The following JAKMIP2 variants were observed in gnomAD, a reference collection of about 807,000 sequenced individuals.
JAKMIP2 encodes the protein janus kinase and microtubule interacting protein 2.
JAKMIP2 carries 25 observed loss-of-function variants against 115.0 expected under a neutral mutation model. The ratio of observed to expected loss-of-function variants is 0.22; its 90% CI spans 0.16 to 0.30. The LOEUF (loss-of-function observed/expected upper bound fraction) is 0.30. Among genes scored for constraint, JAKMIP2 ranks in the 10% least tolerant of loss-of-function variants. JAKMIP2 has a pLI of 1.00. For missense variants in JAKMIP2, 642 were observed against 957.6 expected (o/e 0.67, Z 4.35); for synonymous variants, 334 against 343.6 (o/e 0.97, Z 0.31).
intron 16 of JAKMIP2, among the ~76,000 whole-genome samples, chr5:147,627,190 G>A (rs551160786): frequency 6.6e-6 from 1 of 152,264 alleles, no homozygotes; most frequent in African/African-American, 2.4e-5. Context: ...ACAGTGTAAT[G>A]CAATTGTCAA....
intron 18 of JAKMIP2, 44 bp from the exon 19 acceptor site, chr5:147,618,158 TGA>T (rs752066571): frequency 1.2e-5 from 13 of 1,117,648 alleles, no homozygotes; most frequent in Middle Eastern, 2.3e-4. Context: ...AACTTGGCAT[TGA>T]TATCTGGTGT....
intron 13 of JAKMIP2, 152 bp downstream of exon 13, chr5:147,632,528 A>G (rs1757412694): frequency 1.7e-6 from 1 of 573,494 alleles, no homozygotes; most frequent in Non-Finnish European, 3.0e-6. Context: ...AGTTAATCTC[A>G]GTTGCCTCCA....
At chr5:147,607,839 C>T (rs1305732875) in intron 20 of JAKMIP2, among the ~76,000 whole-genome samples, 3 of 152,172 alleles carry the variant, frequency 2.0e-5, no homozygotes, top group Non-Finnish European at 2.9e-5. Context: ...TTAATTACTG[C>T]CTCTATTTCA....
At chr5:147,701,199 A>C (rs1401753320) in intron 1 of JAKMIP2, among the ~76,000 whole-genome samples, 1 of 152,194 alleles carries the variant, frequency 6.6e-6, no homozygotes, top group Non-Finnish European at 1.5e-5. Context: ...GATTAGACTC[A>C]AGAAGGATGG....
chr5:147,682,312 A>C (rs551272497), intron 1 of JAKMIP2, among the ~76,000 whole-genome samples: 26 of 152,334 alleles, frequency 1.7e-4, no homozygotes, highest in African/African-American at 5.8e-4. Context: ...AGTCTAAACC[A>C]TGTCAAAGTT....
intron 1 of JAKMIP2, among the ~76,000 whole-genome samples, chr5:147,758,037 A>C (rs1754808519): frequency 6.6e-6 from 1 of 152,114 alleles, no homozygotes; most frequent in Non-Finnish European, 1.5e-5. Flanking sequence ...ACAAAGGATA[A>C]ATTTGTCTAT....
At chr5:147,595,309 A>C in intron 21 of JAKMIP2, 1 of 349,578 alleles carries the variant, frequency 2.9e-6, no homozygotes, top group South Asian at 2.2e-5. Flanking sequence ...TGAGGCTTTT[A>C]GGAGGTTATT....
intron 3 of JAKMIP2, among the ~76,000 whole-genome samples, chr5:147,655,528 T>TACC (rs1437497234): frequency 2.7e-4 from 41 of 152,342 alleles, no homozygotes; most frequent in African/African-American, 8.9e-4. Flanking sequence ...TTTGTACTGC[T>TACC]ATGGAGTTAG....
intron 1 of JAKMIP2, among the ~76,000 whole-genome samples, chr5:147,781,736 A>G (rs950233850): frequency 4.6e-5 from 7 of 152,236 alleles, no homozygotes; most frequent in Non-Finnish European, 1.0e-4. Context: ...TTTCAAAAAC[A>G]TGCAATTACT....
intron 1 of JAKMIP2, among the ~76,000 whole-genome samples, chr5:147,682,604 T>C (rs933898977): frequency 2.6e-5 from 4 of 152,214 alleles, no homozygotes; most frequent in African/African-American, 9.6e-5. Flanking sequence ...CTGTCAACAA[T>C]GACTACCATG....
At chr5:147,708,917 C>G (rs1308943275) in intron 1 of JAKMIP2, among the ~76,000 whole-genome samples, 1 of 152,176 alleles carries the variant, frequency 6.6e-6, no homozygotes, top group Non-Finnish European at 1.5e-5. Context: ...GTTGGCCTTA[C>G]TCTTTAGAGA....
Position 147,758,089 on chromosome 5 carries a change from T to C in JAKMIP2, c.-149+24367A>G, listed in dbSNP as rs563893344. On this transcript the variant is annotated intron_variant, in intron 1 of 21. Transcript: ENST00000616793. ...ATGGATTTTATTTTAGGTAAAATAG[T>C]CAAATGTAGTAACACACGGTTTAGT... Among the ~76,000 whole-genome samples the C allele has an allele frequency of 1.8e-3, 279 of 152,242 alleles. 2 individuals are homozygous for C. The highest frequency in any genetic ancestry group is 1.1e-3 in the Non-Finnish European group (76 of 68,006).
chr5:147,746,351 G>A (rs191989478), intron 1 of JAKMIP2, among the ~76,000 whole-genome samples: 100 of 152,222 alleles, frequency 6.6e-4, no homozygotes, highest in Non-Finnish European at 1.2e-3. Context: ...ACTCATGGAC[G>A]AAAGACGGGA....
At chr5:147,655,386 T>C (rs1758626567) in intron 3 of JAKMIP2, among the ~76,000 whole-genome samples, 1 of 152,222 alleles carries the variant, frequency 6.6e-6, no homozygotes, top group Admixed American at 6.5e-5. Context: ...GAACTTGTCA[T>C]TGGTCTATTC....
In JAKMIP2 at chr5:147,625,051, GCTCACTGCAAC is replaced by G. The variant is rs569264074; in HGVS notation, c.1996-1373_1996-1363del. On this transcript the variant is annotated intron_variant, in intron 16 of 21. Coordinates refer to ENST00000616793, the MANE Select transcript of JAKMIP2 (RefSeq NM_001270941.2). ...GCTGGAGTGCAATGGCACGATCTTG[GCTCACTGCAAC>G]CTCCGCCTCCAGGTTCAAGCGATTC... Among the ~76,000 whole-genome samples, 16 of 152,118 alleles carry G rather than the reference GCTCACTGCAAC, an allele frequency of 1.1e-4. No individual in the cohort carries two copies. The South Asian group carries it at 2.9e-3, about 28-fold the overall frequency.
At chr5:147,612,264 G>T in intron 20 of JAKMIP2, 42 bp downstream of exon 20, 1 of 1,270,760 alleles carries the variant, frequency 7.9e-7, no homozygotes, top group South Asian at 1.2e-5. Context: ...ATTGCTTTCT[G>T]ATTAAACAAA....
chr5:147,715,401 C>A (rs10037768), intron 1 of JAKMIP2, among the ~76,000 whole-genome samples: 68,174 of 151,008 alleles, frequency 0.45, 16,453 homozygotes, highest in African/African-American at 0.62. Flanking sequence ...ATCCAAAATT[C>A]TATGTTCCCT....
chr5:147,672,792 C>T (rs1159620381), intron 1 of JAKMIP2, among the ~76,000 whole-genome samples: 7 of 151,882 alleles, frequency 4.6e-5, no homozygotes, highest in Non-Finnish European at 1.0e-4. Context: ...GCATCCTGGG[C>T]AAAGAAAAAA....
chr5:147,721,844 C>T (rs4705191), intron 1 of JAKMIP2, among the ~76,000 whole-genome samples: 54,235 of 151,898 alleles, frequency 0.36, 9,926 homozygotes, highest in Admixed American at 0.39. Context: ...AGACCGGAGC[C>T]GTTCCTATTC....
Sources: gnomAD v4.1 joint callset for allele counts (sites outside exome capture counted in the v4.1 genomes callset) on GRCh38, gnomAD v4.1.1 for gene constraint, MANE v1.5 for transcripts, NCBI Gene and HGNC (gene_info 2026-07-23, HGNC 2026-07-21) for gene names.